LINGO2: variants seen among roughly 807,000 people sequenced by gnomAD.
The protein encoded by LINGO2 is leucine-rich repeat and immunoglobulin-like domain-containing nogo receptor-interacting protein 2.
Under a neutral mutation model 30.6 loss-of-function variants are expected in LINGO2, and 14 were observed. The observed-to-expected ratio is 0.46, with a 90% confidence interval of 0.30 to 0.72. The LOEUF is 0.72. Among genes scored for constraint, LINGO2 ranks in the 30% least tolerant of loss-of-function variants. LINGO2 has a pLI of 0.07. For synonymous variants in LINGO2, 317 were observed against 288.5 expected, an observed-to-expected ratio of 1.10 and a Z score of -1.00; for missense variants, 729 against 751.7, an observed-to-expected ratio of 0.97 and a Z score of 0.35.
intron 2 of LINGO2, among the ~76,000 whole-genome samples, chr9:28,450,790 T>C (rs1824618956): frequency 6.6e-6 from 1 of 152,038 alleles, no homozygotes; most frequent in African/African-American, 2.4e-5. Flanking sequence ...TAAATGTATA[T>C]ATTAACTTGG....
chr9:28,308,936 G>A (rs991857447), intron 3 of LINGO2, among the ~76,000 whole-genome samples: 19 of 152,144 alleles, frequency 1.2e-4, no homozygotes, highest in African/African-American at 4.6e-4. Flanking sequence ...GAAACAGCAG[G>A]TGCTGGAAAG....
chr9:28,331,261 A>T (rs1426976104), intron 3 of LINGO2, among the ~76,000 whole-genome samples: 1 of 152,124 alleles, frequency 6.6e-6, no homozygotes, highest in African/African-American at 2.4e-5. Flanking sequence ...ATATAGAAGC[A>T]AACAACTTCT....
intron 5 of LINGO2, among the ~76,000 whole-genome samples, chr9:27,990,288 T>TACG (rs5897264): frequency 0.11 from 16,088 of 151,946 alleles, 1,028 homozygotes; most frequent in Non-Finnish European, 0.14. Context: ...GCTTTGCCAC[T>TACG]AGTTTCTGAC....
chr9:28,661,285 C>G (rs1563899819), intron 1 of LINGO2, among the ~76,000 whole-genome samples: 1 of 152,084 alleles, frequency 6.6e-6, no homozygotes, highest in Non-Finnish European at 1.5e-5. Flanking sequence ...ATATGTGACC[C>G]AGTCACTCCT....
chr9:28,727,573 C>A, the LINGO2 span, among the ~76,000 whole-genome samples: 1 of 152,158 alleles, frequency 6.6e-6, no homozygotes, highest in Non-Finnish European at 1.5e-5. Flanking sequence ...CAGGCGTGAG[C>A]CACCACGCCC....
chr9:27,945,582 C>A (rs1369228817), downstream of LINGO2, among the ~76,000 whole-genome samples: 1 of 152,062 alleles, frequency 6.6e-6, no homozygotes, highest in Non-Finnish European at 1.5e-5. Flanking sequence ...TACTTTGAAA[C>A]AAAGCCTCTG....
chr9:28,740,590 T>G, the LINGO2 span, among the ~76,000 whole-genome samples: 1 of 151,912 alleles, frequency 6.6e-6, no homozygotes, highest in Non-Finnish European at 1.5e-5. Flanking sequence ...CTTTTTTAAT[T>G]TCTGTTTCTC....
At chr9:28,777,715 T>G in the LINGO2 span, among the ~76,000 whole-genome samples, 1 of 152,086 alleles carries the variant, frequency 6.6e-6, no homozygotes, top group East Asian at 1.9e-4. Flanking sequence ...ATAAGGAAAA[T>G]CTCATGATGT....
chr9:28,733,260 T>C, the LINGO2 span, among the ~76,000 whole-genome samples: 2 of 152,148 alleles, frequency 1.3e-5, no homozygotes, highest in African/African-American at 4.8e-5. Context: ...ATTCCCAGCA[T>C]TATTTTTTCC....
chr9:28,438,849 TAATGAG>T (rs1824063363), intron 2 of LINGO2, among the ~76,000 whole-genome samples: 1 of 144,346 alleles, frequency 6.9e-6, no homozygotes, highest in African/African-American at 2.5e-5. Context: ...TATATATATA[TAATGAG>T]ATATATATAT....
intron 3 of LINGO2, among the ~76,000 whole-genome samples, chr9:28,346,461 C>A (rs1033532100): frequency 2.6e-5 from 4 of 152,058 alleles, no homozygotes; most frequent in Non-Finnish European, 5.9e-5. Context: ...GGGTTGGTTC[C>A]ATGTCTTTGC....
chr9:28,916,646 T>G, the LINGO2 span, among the ~76,000 whole-genome samples: 1 of 152,224 alleles, frequency 6.6e-6, no homozygotes, highest in Admixed American at 6.5e-5. Flanking sequence ...GTACCATCCA[T>G]GTATTGATTG....
intron 5 of LINGO2, among the ~76,000 whole-genome samples, chr9:28,005,799 A>G (rs1253331307): frequency 6.6e-6 from 1 of 152,036 alleles, no homozygotes; most frequent in Non-Finnish European, 1.5e-5. Flanking sequence ...TAGGGCCACC[A>G]AGACAGAGCA....
the LINGO2 span, among the ~76,000 whole-genome samples, chr9:28,772,030 C>A: frequency 6.6e-6 from 1 of 152,184 alleles, no homozygotes; most frequent in Admixed American, 6.5e-5. Flanking sequence ...TAGCACAGTG[C>A]TCTGAAGACA....
rs559442047 is a variant in LINGO2, at chr9:28,652,927, T to C, written c.-365+17273A>G. ...TGGCCCATCAGGGTTGGGATATATA[T>C]TGAATTTAGGAGAAAGTGCGTTAGT... On this transcript the variant is annotated intron_variant, in intron 1 of 5. Coordinates refer to ENST00000379992, the Ensembl canonical transcript of LINGO2. 2.0e-5 allele frequency among the ~76,000 whole-genome samples: 3 copies of C among 152,138 alleles called. No individual in the cohort carries two copies. In the South Asian group the frequency reaches 6.2e-4, roughly 32 times the overall value.
At chr9:29,147,800 TC>T in the LINGO2 span, among the ~76,000 whole-genome samples, 1 of 152,092 alleles carries the variant, frequency 6.6e-6, no homozygotes, top group South Asian at 2.1e-4. Flanking sequence ...AGCTCACAGT[TC>T]TTTTTATTGA....
intron 1 of LINGO2, among the ~76,000 whole-genome samples, chr9:28,644,855 A>T (rs553938621): frequency 1.1e-4 from 16 of 152,064 alleles, no homozygotes; most frequent in East Asian, 5.8e-4. Flanking sequence ...AAATTTTTTT[A>T]AAAAAATTAA....
chr9:29,059,681 C>T, the LINGO2 span, among the ~76,000 whole-genome samples: 8 of 152,016 alleles, frequency 5.3e-5, no homozygotes, highest in South Asian at 8.3e-4. Flanking sequence ...ATTAAAGATG[C>T]GTTAACCCAC....
At chr9:28,741,127 T>A in the LINGO2 span, among the ~76,000 whole-genome samples, 1 of 151,946 alleles carries the variant, frequency 6.6e-6, no homozygotes, top group Non-Finnish European at 1.5e-5. Flanking sequence ...AAACATAGTA[T>A]CTCAGTTCAT....
Sources: allele counts gnomAD v4.1 joint callset (sites outside exome capture counted in the v4.1 genomes callset), GRCh38; gene constraint gnomAD v4.1.1; transcripts MANE v1.5; gene names NCBI Gene and HGNC (gene_info 2026-07-23, HGNC 2026-07-21).